Variants in PRH1 observed in about 807,000 individuals in gnomAD.
PRH1 encodes the protein proline rich protein HaeIII subfamily 1.
A neutral mutation model predicts 7.9 loss-of-function variants in PRH1; 7 were observed. That is an observed-to-expected ratio of 0.89 (90% CI 0.50 to 1.67). The LOEUF (loss-of-function observed/expected upper bound fraction) is 1.67, where lower values mean the gene tolerates loss of function less well. PRH1 is among the 40% of genes most tolerant of loss of function. The pLI, the probability that PRH1 is intolerant of heterozygous loss-of-function variation, is 0.00. For missense variants in PRH1, 109 were observed against 223.6 expected, an observed-to-expected ratio of 0.49 and a Z score of 3.27; for synonymous variants, 45 against 80.8, an observed-to-expected ratio of 0.56 and a Z score of 2.38.
chr12:11,061,653 T>C (rs1172414817), intron 1 of PRH1: 2 of 1,613,992 alleles, frequency 1.2e-6, no homozygotes, highest in African/African-American at 2.7e-5. Context: ...CTTGAGATCC[T>C]TTGCCATGGA....
chr12:11,099,553 T>C (rs1945169332), intron 1 of PRH1, among the ~76,000 whole-genome samples: 1 of 151,962 alleles, frequency 6.6e-6, no homozygotes, highest in Non-Finnish European at 1.5e-5. Context: ...AAAAATTAGG[T>C]GGGCTCAGTG....
chr12:10,997,262 T>C lies in PRH1; in HGVS notation c.-125-23541A>G. 1 of 1,614,144 alleles carries C rather than the reference T, an allele frequency of 6.2e-7. No individual in the cohort carries two copies. Among genetic ancestry groups the C allele is most frequent in the Non-Finnish European group, 8.5e-7 (1 of 1,180,012 alleles). On this transcript the variant is annotated intron_variant, in intron 1 of 3. Transcript: ENST00000539853. ...GCCATGGAGCTGCATCTTCTTCAGATGTTTACACAGAGAGTAGATTAACAG... is the reference window on the plus strand; with the variant it reads ...GCCATGGAGCTGCATCTTCTTCAGACGTTTACACAGAGAGTAGATTAACAG...
intron 2 of PRH1, among the ~76,000 whole-genome samples, chr12:10,940,990 C>A (rs1950390247): frequency 6.6e-6 from 1 of 152,092 alleles, no homozygotes; most frequent in South Asian, 2.1e-4. Context: ...CTAGCATGGA[C>A]AAATATTAAG....
chr12:10,990,298 A>C (rs1207145971), intron 1 of PRH1, among the ~76,000 whole-genome samples: 1 of 152,212 alleles, frequency 6.6e-6, no homozygotes, highest in Non-Finnish European at 1.5e-5. Context: ...CCTATTTATC[A>C]CCATATACAA....
chr12:10,987,494 T>C (rs1465693383), intron 1 of PRH1, among the ~76,000 whole-genome samples: 1 of 151,986 alleles, frequency 6.6e-6, no homozygotes, highest in African/African-American at 2.4e-5. Context: ...CCCAATACTT[T>C]TGTGTGAATT....
rs372908097 is a variant in PRH1 at position 11,091,699 on chromosome 12, C to T, written n.124-44511G>A. 6.5e-5 allele frequency: 82 copies of T among 1,258,136 alleles called. 19 individuals are homozygous for T. Among genetic ancestry groups the T allele is most frequent in the African/African-American group, 3.0e-4 (19 of 64,310 alleles). The allele number at this position is 1,258,136 out of a possible 1,614,324, so 77.9% of individuals were successfully genotyped here. On this transcript the variant is annotated intron_variant and non_coding_transcript_variant, in intron 1 of 4. Transcript: ENST00000541977. ...CTAAGTTTGCTACCATGGTTACAGT[C>T]ATATTTGAAAAGTACATTGCACTCT...
chr12:11,061,302 T>C lies in PRH1; in HGVS notation n.124-14114A>G, dbSNP rs1316161538. On this transcript the variant is annotated intron_variant and non_coding_transcript_variant, in intron 1 of 4. Coordinates refer to the PRH1 transcript ENST00000541977. ...ATTACAGAAAACACAGTAAGAAATA[T>C]AAAATGCTTCATATAACACGTTTGT... The C allele has an allele frequency of 5.9e-6, 9 of 1,537,674 alleles. No individual in the cohort carries two copies. The East Asian group carries it at 1.8e-4, about 31-fold the overall frequency.
chr12:11,010,512 T>C (rs4763609), intron 1 of PRH1, among the ~76,000 whole-genome samples: 46,219 of 151,736 alleles, frequency 0.3, 8,909 homozygotes, highest in East Asian at 0.74. Flanking sequence ...AAAACCAACA[T>C]ATTCCCAATG....
intron 1 of PRH1, chr12:11,062,295 G>A (rs1943646178): frequency 8.7e-6 from 14 of 1,600,642 alleles, no homozygotes; most frequent in Non-Finnish European, 1.2e-5. Context: ...AAGTTATCAT[G>A]TCTGAACAGA....
chr12:10,950,268 CT>C (rs1565494031), intron 2 of PRH1, among the ~76,000 whole-genome samples: 7 of 152,120 alleles, frequency 4.6e-5, no homozygotes, highest in South Asian at 2.1e-4. Context: ...TGAGGTGATC[CT>C]CCATCATAAT....
chr12:11,095,777 T>A lies in PRH1; in HGVS notation n.124-48589A>T, dbSNP rs534860621. Among the ~76,000 whole-genome samples, 30 of 115,166 alleles carry A rather than the reference T, an allele frequency of 2.6e-4. 2 individuals are homozygous for A. In the East Asian group the frequency reaches 6.1e-3, roughly 24 times the overall value. The allele number at this position is 115,166 out of a possible 152,430, so 75.6% of individuals were successfully genotyped here. A position where few individuals can be genotyped will look rare whatever the true frequency, so the allele number is the denominator to read the frequency against. ...ATGATCCTACCACTGAACTCCAGCG[T>A]GGACAACAGAGTGAGAATCCAACTC... On this transcript the variant is annotated intron_variant and non_coding_transcript_variant, in intron 1 of 4. Transcript: ENST00000541977.
chr12:11,014,666 G>C (rs531419113), intron 1 of PRH1, among the ~76,000 whole-genome samples: 2 of 152,238 alleles, frequency 1.3e-5, no homozygotes, highest in African/African-American at 4.8e-5. Context: ...TTCAATAATT[G>C]AAGGAAAGTG....
chr12:11,110,547 A>C (rs1051684328), intron 1 of PRH1, among the ~76,000 whole-genome samples: 7 of 152,240 alleles, frequency 4.6e-5, no homozygotes, highest in Admixed American at 3.3e-4. Context: ...TTTCATAGCA[A>C]GCCAAAAAGC....
chr12:11,086,113 C>CCA lies in PRH1; in HGVS notation n.124-38926_124-38925insTG, dbSNP rs72380978. Among the ~76,000 whole-genome samples the CCA allele has an allele frequency of 1.0e-3, 23 of 22,284 alleles. 3 individuals are homozygous for CCA. The highest frequency in any genetic ancestry group is 1.5e-3 in the African/African-American group (23 of 14,982). 14.6% of individuals were successfully genotyped at this position (22,284 alleles called of 152,430 possible). ...ATTAACATAAACACATTCCCCCCCC[C>CCA]ACACACACACCCCTCATGGTTGAGT... On this transcript the variant is annotated intron_variant and non_coding_transcript_variant, in intron 1 of 4. Coordinates refer to the PRH1 transcript ENST00000541977.
At chr12:10,895,333 A>C (rs1949628743) in intron 2 of PRH1, 1 of 152,230 alleles carries the variant, frequency 6.6e-6, no homozygotes, top group South Asian at 2.1e-4. Flanking sequence ...ACATCATCTG[A>C]AGGAGAAACA....
intron 1 of PRH1, among the ~76,000 whole-genome samples, chr12:11,126,175 T>G (rs1946121579): frequency 6.6e-6 from 1 of 152,272 alleles, no homozygotes; most frequent in Non-Finnish European, 1.5e-5. Flanking sequence ...TTACCAGCAA[T>G]CCAGACACTC....
At chr12:10,933,225 A>G (rs1380981367) in intron 2 of PRH1, among the ~76,000 whole-genome samples, 2 of 152,098 alleles carry the variant, frequency 1.3e-5, no homozygotes, top group African/African-American at 4.8e-5. Context: ...CAGATATACA[A>G]TATGGAGTGA....
chr12:10,915,104 G>A (rs1443491882), intron 2 of PRH1, among the ~76,000 whole-genome samples: 1 of 152,058 alleles, frequency 6.6e-6, no homozygotes, highest in Non-Finnish European at 1.5e-5. Flanking sequence ...CTCCAGCCTG[G>A]GCCACAGAGT....
chr12:11,128,803 TTAATATAC>T (rs1946226261), intron 1 of PRH1, among the ~76,000 whole-genome samples: 1 of 151,538 alleles, frequency 6.6e-6, no homozygotes. Flanking sequence ...TTGTTAGGAG[TTAATATAC>T]TATTTCTGTA....
Sources: allele counts gnomAD v4.1 joint callset (sites outside exome capture counted in the v4.1 genomes callset), GRCh38; gene constraint gnomAD v4.1.1; transcripts MANE v1.5; gene names NCBI Gene and HGNC (gene_info 2026-07-23, HGNC 2026-07-21).